Variants in ESRRG observed in about 807,000 individuals in gnomAD.
ESRRG encodes the protein estrogen-related receptor gamma.
Under a neutral mutation model 44.0 loss-of-function variants are expected in ESRRG, and 13 were observed. That is an observed-to-expected ratio of 0.30 (90% CI 0.19 to 0.47). The LOEUF (loss-of-function observed/expected upper bound fraction) is 0.47. Ranked by LOEUF, ESRRG falls within the 20% of genes least tolerant of loss-of-function variation. The pLI is 1.00. For synonymous variants in ESRRG, 215 were observed against 214.6 expected (o/e 1.00, Z -0.02); for missense variants, 395 against 580.6 (o/e 0.68, Z 3.29).
At chr1:216,593,787 T>A (rs1451560813) in intron 3 of ESRRG, among the ~76,000 whole-genome samples, 1 of 152,240 alleles carries the variant, frequency 6.6e-6, no homozygotes, top group Non-Finnish European at 1.5e-5. Context: ...TCACCCAGGA[T>A]GGAGTGCAGT....
chr1:216,857,462 C>G (rs1450353390), intron 2 of ESRRG, among the ~76,000 whole-genome samples: 1 of 151,932 alleles, frequency 6.6e-6, no homozygotes, highest in East Asian at 1.9e-4. Context: ...TTCACTTCAA[C>G]ACTCCTATTG....
At chr1:216,871,177 T>C (rs2096254510) in intron 2 of ESRRG, among the ~76,000 whole-genome samples, 1 of 152,072 alleles carries the variant, frequency 6.6e-6, no homozygotes, top group Non-Finnish European at 1.5e-5. Context: ...CATTTTAATA[T>C]GTGCATTTTC....
intron 1 of ESRRG, among the ~76,000 whole-genome samples, chr1:217,021,927 C>T (rs2080388018): frequency 6.6e-6 from 1 of 152,174 alleles, no homozygotes; most frequent in Admixed American, 6.5e-5. Context: ...CTTTCCAGCT[C>T]TTAAATGTCC....
chr1:216,562,005 T>C (rs1283962424), intron 5 of ESRRG, among the ~76,000 whole-genome samples: 1 of 152,192 alleles, frequency 6.6e-6, no homozygotes, highest in Non-Finnish European at 1.5e-5. Context: ...TAGAGCCCCT[T>C]TACTGTGACA....
At chr1:216,633,202 A>G (rs534838918) in intron 3 of ESRRG, among the ~76,000 whole-genome samples, 8 of 152,336 alleles carry the variant, frequency 5.3e-5, no homozygotes, top group Middle Eastern at 6.8e-3. Context: ...GGCACATTGC[A>G]TAATCCAGGC....
chr1:216,640,982 AT>A lies in ESRRG; in HGVS notation c.589+9990del, dbSNP rs570003698. On this transcript the variant is annotated intron_variant, in intron 3 of 6. Transcript: ENST00000408911. ...GTTTCCCCTGCTTGGGGCTAAATCC[AT>A]CAGGGATTTTTTTAATCCAAAAAGA... Among the ~76,000 whole-genome samples the A allele has an allele frequency of 1.1e-4, 17 of 152,324 alleles. 1 individual carries two copies. In the South Asian group the frequency reaches 3.5e-3, roughly 32 times the overall value.
chr1:216,536,525 A>C (rs996369706), intron 5 of ESRRG, among the ~76,000 whole-genome samples: 2 of 152,044 alleles, frequency 1.3e-5, no homozygotes, highest in African/African-American at 2.4e-5. Context: ...ATAGCCTCCC[A>C]ACTTATGATT....
Position 216,966,135 on chromosome 1 carries a change from T to C in ESRRG, c.-105-26462A>G, listed in dbSNP as rs74141710. The stretch of plus-strand genomic sequence containing the variant: ...ACAATTTATAAGCCAGGTACATTCA[T>C]GGTACCTGGGTCTCCATTTGGACAC... On this transcript the variant is annotated intron_variant, in intron 1 of 7. Coordinates refer to the ESRRG transcript ENST00000359162. Among the ~76,000 whole-genome samples, 639 of 152,250 alleles carry C rather than the reference T, an allele frequency of 4.2e-3. 4 individuals are homozygous for C. The highest frequency in any genetic ancestry group is 0.014 in the African/African-American group (601 of 41,552).
At chr1:216,774,687 A>G (rs1443770092) in intron 2 of ESRRG, among the ~76,000 whole-genome samples, 13 of 151,932 alleles carry the variant, frequency 8.6e-5, no homozygotes, top group Non-Finnish European at 1.6e-4. Flanking sequence ...CTAAATCCAC[A>G]CTCTGATTAA....
At chr1:216,832,675 C>T (rs1399828529) in intron 2 of ESRRG, among the ~76,000 whole-genome samples, 1 of 152,100 alleles carries the variant, frequency 6.6e-6, no homozygotes, top group East Asian at 1.9e-4. Context: ...TTTAAAATTC[C>T]TCTACTGGCT....
intron 1 of ESRRG, among the ~76,000 whole-genome samples, chr1:216,981,925 G>A (rs1010067506): frequency 1.3e-5 from 2 of 152,210 alleles, no homozygotes; most frequent in Admixed American, 6.5e-5. Context: ...GCATGACCAA[G>A]CGATTAGCGG....
chr1:216,780,442 C>A (rs2093889111), intron 2 of ESRRG, among the ~76,000 whole-genome samples: 1 of 152,004 alleles, frequency 6.6e-6, no homozygotes, highest in Non-Finnish European at 1.5e-5. Context: ...GGAACAATTT[C>A]TCATGGAATC....
upstream of ESRRG, chr1:216,723,514 C>T (rs1258916663): frequency 1.5e-5 from 8 of 532,162 alleles, no homozygotes; most frequent in Non-Finnish European, 2.3e-5. Flanking sequence ...TCCCACCGGC[C>T]CAGCCGCGCA....
intron 3 of ESRRG, among the ~76,000 whole-genome samples, chr1:216,645,871 C>CAAAAAAAA (rs776262531): frequency 1.1e-5 from 1 of 91,212 alleles, no homozygotes. Context: ...GACCCCTTCT[C>CAAAAAAAA]AAAAAAAAAA....
At chr1:216,908,723 A>G (rs1387651449) in intron 2 of ESRRG, among the ~76,000 whole-genome samples, 2 of 152,122 alleles carry the variant, frequency 1.3e-5, no homozygotes, top group African/African-American at 4.8e-5. Context: ...TGGGCAAAAC[A>G]CAAGATCACA....
At chr1:216,548,107 C>T (rs542127925) in intron 5 of ESRRG, among the ~76,000 whole-genome samples, 62 of 151,848 alleles carry the variant, frequency 4.1e-4, no homozygotes, top group African/African-American at 1.3e-3. Flanking sequence ...AAAACAATGC[C>T]GGAAATCAAA....
chr1:216,961,561 A>ATTTTTT (rs35113256), intron 1 of ESRRG, among the ~76,000 whole-genome samples: 6 of 131,968 alleles, frequency 4.5e-5, no homozygotes, highest in African/African-American at 1.1e-4. Flanking sequence ...ATTTACTCTT[A>ATTTTTT]TTTTTTTTTT....
intron 1 of ESRRG, among the ~76,000 whole-genome samples, chr1:217,010,149 G>C (rs2078360361): frequency 6.6e-6 from 1 of 152,108 alleles, no homozygotes. Context: ...GAAGTGCAGA[G>C]ATGATCCCAG....
chr1:216,954,038 C>T (rs2067470252), intron 1 of ESRRG, among the ~76,000 whole-genome samples: 1 of 152,044 alleles, frequency 6.6e-6, no homozygotes, highest in Non-Finnish European at 1.5e-5. Context: ...ATTCCATGCT[C>T]CTTCCTATTT....
Sources: gnomAD v4.1 joint callset for allele counts (sites outside exome capture counted in the v4.1 genomes callset) on GRCh38, gnomAD v4.1.1 for gene constraint, MANE v1.5 for transcripts, NCBI Gene and HGNC (gene_info 2026-07-23, HGNC 2026-07-21) for gene names.